DAB1: variants seen among roughly 807,000 people sequenced by gnomAD.
DAB1 encodes the protein DAB adaptor protein 1.
DAB1 carries 15 observed loss-of-function variants against 64.6 expected under a neutral mutation model. The observed-to-expected ratio is 0.23, with a 90% CI of 0.16 to 0.36. The LOEUF is 0.36. DAB1 is among the 10% of genes least tolerant of loss of function. DAB1 has a pLI of 1.00. For synonymous variants in DAB1, 235 were observed against 251.9 expected, an observed-to-expected ratio of 0.93 and a Z score of 0.64; for missense variants, 596 against 706.7, an observed-to-expected ratio of 0.84 and a Z score of 1.78.
At chr1:58,467,733 G>A (rs1373828918) in intron 3 of DAB1, among the ~76,000 whole-genome samples, 3 of 152,190 alleles carry the variant, frequency 2.0e-5, no homozygotes, top group African/African-American at 7.2e-5. Context: ...TGTTGGGCAT[G>A]ATTTAATATG....
intron 7 of DAB1, among the ~76,000 whole-genome samples, chr1:57,559,771 C>T (rs1245363254): frequency 6.6e-6 from 1 of 152,120 alleles, no homozygotes; most frequent in Non-Finnish European, 1.5e-5. Context: ...AGGGTGAGGG[C>T]CATTATGATG....
intron 7 of DAB1, among the ~76,000 whole-genome samples, chr1:57,561,662 C>T (rs1256455080): frequency 6.6e-6 from 1 of 152,206 alleles, no homozygotes; most frequent in East Asian, 1.9e-4. Flanking sequence ...TCCCCAGTCA[C>T]CCCGTCTTCA....
intron 8 of DAB1, among the ~76,000 whole-genome samples, chr1:57,066,011 T>C (rs1650872887): frequency 6.6e-6 from 1 of 152,226 alleles, no homozygotes. Context: ...TTCCGTACTA[T>C]ACATACAGAA....
chr1:58,192,156 A>T (rs1657421378), intron 4 of DAB1, among the ~76,000 whole-genome samples: 1 of 152,246 alleles, frequency 6.6e-6, no homozygotes, highest in South Asian at 2.1e-4. Context: ...GCATGATTCC[A>T]GTTATAGAAG....
intron 6 of DAB1, among the ~76,000 whole-genome samples, chr1:57,706,799 G>A (rs191636910): frequency 1.5e-4 from 23 of 152,110 alleles, no homozygotes; most frequent in African/African-American, 3.9e-4. Context: ...CAGGCCGGGC[G>A]CGGTGGCTCA....
intron 6 of DAB1, among the ~76,000 whole-genome samples, chr1:57,723,570 G>A (rs1294355697): frequency 6.6e-6 from 1 of 152,174 alleles, no homozygotes; most frequent in African/African-American, 2.4e-5. Context: ...CACAATCACT[G>A]GGAATTCTCT....
intron 5 of DAB1, among the ~76,000 whole-genome samples, chr1:58,055,976 A>T (rs1648042668): frequency 6.6e-6 from 1 of 151,060 alleles, no homozygotes; most frequent in African/African-American, 2.4e-5. Flanking sequence ...GGGCTCAAGA[A>T]ATCCGCCTGC....
At chr1:58,541,805 C>T (rs1271419145) in intron 1 of DAB1, among the ~76,000 whole-genome samples, 1 of 152,022 alleles carries the variant, frequency 6.6e-6, no homozygotes, top group Non-Finnish European at 1.5e-5. Flanking sequence ...ATAAATAAAA[C>T]TCACTTTCAA....
rs1297606515 is a variant in DAB1, at chr1:57,761,403, T to G, written n.552-111738A>C. 6.6e-5 allele frequency among the ~76,000 whole-genome samples: 10 copies of G among 152,192 alleles called. No homozygotes were observed. In the East Asian group the frequency reaches 1.9e-3, roughly 29 times the overall value. ...ATTATAAAATCAACTATTGGTGGCA[T>G]GCAGATAACAAAAAAATCATGATTA... On this transcript the variant is annotated intron_variant and non_coding_transcript_variant, in intron 6 of 20. Coordinates refer to the DAB1 transcript ENST00000485760.
chr1:57,600,568 C>T (rs1645565214), intron 7 of DAB1, among the ~76,000 whole-genome samples: 1 of 152,080 alleles, frequency 6.6e-6, no homozygotes, highest in Admixed American at 6.6e-5. Flanking sequence ...GCTTAGAGCC[C>T]TGGGGGGTCG....
At chr1:57,557,574 T>C (rs1645004738) in intron 7 of DAB1, among the ~76,000 whole-genome samples, 1 of 151,988 alleles carries the variant, frequency 6.6e-6, no homozygotes, top group Non-Finnish European at 1.5e-5. Context: ...AAGGATTGAG[T>C]TCTTTCATTG....
chr1:57,567,627 C>T (rs1483183649), intron 7 of DAB1, among the ~76,000 whole-genome samples: 1 of 152,148 alleles, frequency 6.6e-6, no homozygotes, highest in Admixed American at 6.5e-5. Context: ...TTCTTATACA[C>T]CAATAACAGA....
intron 6 of DAB1, among the ~76,000 whole-genome samples, chr1:57,742,363 T>C: frequency 6.6e-6 from 1 of 152,260 alleles, no homozygotes; most frequent in African/African-American, 2.4e-5. Flanking sequence ...GGAAAAATAG[T>C]TTTCTATCAA....
At chr1:57,168,393 C>T (rs1285311637) in intron 2 of DAB1, among the ~76,000 whole-genome samples, 1 of 152,178 alleles carries the variant, frequency 6.6e-6, no homozygotes, top group East Asian at 1.9e-4. Flanking sequence ...ATTGGAATGA[C>T]ACCTCATTTC....
intron 4 of DAB1, among the ~76,000 whole-genome samples, chr1:58,155,350 T>C (rs960064188): frequency 5.9e-5 from 9 of 152,156 alleles, no homozygotes; most frequent in African/African-American, 1.4e-4. Context: ...AGGGGATTGG[T>C]ACTACAATTT....
At chr1:58,202,115 A>G (rs1658029619) in intron 4 of DAB1, among the ~76,000 whole-genome samples, 1 of 152,260 alleles carries the variant, frequency 6.6e-6, no homozygotes, top group Non-Finnish European at 1.5e-5. Context: ...ACACTGTTTG[A>G]CACATAGAAA....
At chr1:58,000,764 T>A (rs891729055) in intron 5 of DAB1, among the ~76,000 whole-genome samples, 4 of 151,686 alleles carry the variant, frequency 2.6e-5, no homozygotes, top group African/African-American at 9.7e-5. Flanking sequence ...AGGGTCGGGG[T>A]TTCACCATGC....
chr1:57,629,352 G>T (rs570235192), intron 7 of DAB1, among the ~76,000 whole-genome samples: 160 of 152,258 alleles, frequency 1.1e-3, no homozygotes, highest in African/African-American at 3.8e-3. Flanking sequence ...ACTGGCTGCA[G>T]TGTTTGTGTG....
intron 5 of DAB1, among the ~76,000 whole-genome samples, chr1:58,000,960 T>A (rs1646498574): frequency 6.6e-6 from 1 of 152,052 alleles, no homozygotes; most frequent in African/African-American, 2.4e-5. Context: ...CTCTCAAATT[T>A]GCTCTCATCA....
Sources: gnomAD v4.1 joint callset for allele counts (sites outside exome capture counted in the v4.1 genomes callset) on GRCh38, gnomAD v4.1.1 for gene constraint, MANE v1.5 for transcripts, NCBI Gene and HGNC (gene_info 2026-07-23, HGNC 2026-07-21) for gene names.